The following SPMIP2 variants were observed in gnomAD, a reference collection of about 807,000 sequenced individuals.
The protein encoded by SPMIP2 is sperm microtubule inner protein 2, also known as protein SPMIP2.
At chr4:159,065,936 G>A in the SPMIP2 span, among the ~76,000 whole-genome samples, 1 of 152,288 alleles carries the variant, frequency 6.6e-6, no homozygotes, top group Non-Finnish European at 1.5e-5. Flanking sequence ...CTAGGATTCA[G>A]AATGAGACAT....
the SPMIP2 span, among the ~76,000 whole-genome samples, chr4:159,030,461 A>G: frequency 7.1e-6 from 1 of 139,982 alleles, no homozygotes. Flanking sequence ...GAGAAAGCAA[A>G]ATTTTATTTA....
the SPMIP2 span, among the ~76,000 whole-genome samples, chr4:158,929,442 G>A: frequency 6.6e-6 from 1 of 152,066 alleles, no homozygotes; most frequent in Non-Finnish European, 1.5e-5. Flanking sequence ...AATATTTTTT[G>A]TTTCTCTATT....
the SPMIP2 span, among the ~76,000 whole-genome samples, chr4:159,002,002 T>C: frequency 6.6e-6 from 1 of 152,214 alleles, no homozygotes; most frequent in Non-Finnish European, 1.5e-5. Context: ...CATCTGTTAT[T>C]TTTTGACTTT....
At chr4:158,930,337 C>A in the SPMIP2 span, among the ~76,000 whole-genome samples, 3 of 152,178 alleles carry the variant, frequency 2.0e-5, no homozygotes, top group Admixed American at 6.5e-5. Context: ...CACAGCCTCC[C>A]AAGTTGCTGG....
At chr4:159,053,743 C>T in the SPMIP2 span, among the ~76,000 whole-genome samples, 1 of 152,140 alleles carries the variant, frequency 6.6e-6, no homozygotes, top group Non-Finnish European at 1.5e-5. Flanking sequence ...TCCCTCCCTC[C>T]TTCCTTCCTC....
the SPMIP2 span, among the ~76,000 whole-genome samples, chr4:159,053,790 A>G: frequency 2.0e-5 from 3 of 151,122 alleles, no homozygotes; most frequent in Admixed American, 6.6e-5. Context: ...CTTTCCTTCA[A>G]TTAGAAACAA....
chr4:158,966,778 ATTACT>A, the SPMIP2 span, among the ~76,000 whole-genome samples: 2 of 152,318 alleles, frequency 1.3e-5, no homozygotes, highest in South Asian at 2.1e-4. Flanking sequence ...CAAGCTTTAC[ATTACT>A]TTGGGTCCTT....
the SPMIP2 span, among the ~76,000 whole-genome samples, chr4:158,911,878 G>T: frequency 6.6e-6 from 1 of 152,100 alleles, no homozygotes; most frequent in African/African-American, 2.4e-5. Flanking sequence ...GAGAACATTT[G>T]CCAGCAAAGA....
chr4:158,895,840 G>A, the SPMIP2 span: 5 of 1,613,092 alleles, frequency 3.1e-6, no homozygotes, highest in African/African-American at 1.3e-5. Flanking sequence ...ACGAGTCCAT[G>A]TGAAAGAATT....
chr4:158,917,865 G>A, the SPMIP2 span, among the ~76,000 whole-genome samples: 11 of 151,548 alleles, frequency 7.3e-5, no homozygotes, highest in Non-Finnish European at 1.5e-4. Flanking sequence ...GGGATTACAG[G>A]TGCCTGCCAA....
At chr4:158,915,492 A>G in the SPMIP2 span, 3 of 760,242 alleles carry the variant, frequency 3.9e-6, no homozygotes, top group Admixed American at 8.6e-5. Context: ...GGAAAGCTGA[A>G]GACCTGACCC....
the SPMIP2 span, among the ~76,000 whole-genome samples, chr4:158,918,273 C>G: frequency 6.6e-6 from 1 of 152,228 alleles, no homozygotes; most frequent in African/African-American, 2.4e-5. Flanking sequence ...CTTCACCCCA[C>G]CTGCTCTACA....
the SPMIP2 span, among the ~76,000 whole-genome samples, chr4:158,969,661 C>T: frequency 6.6e-6 from 1 of 152,134 alleles, no homozygotes; most frequent in Non-Finnish European, 1.5e-5. Context: ...CCTCCTAGTG[C>T]CCCAAATAGG....
the SPMIP2 span, among the ~76,000 whole-genome samples, chr4:159,051,510 C>T: frequency 6.6e-6 from 1 of 152,214 alleles, no homozygotes; most frequent in Non-Finnish European, 1.5e-5. Context: ...ATTCAAAGCA[C>T]TTTCATTACC....
the SPMIP2 span, among the ~76,000 whole-genome samples, chr4:158,991,675 A>G: frequency 2.0e-5 from 3 of 152,284 alleles, no homozygotes; most frequent in South Asian, 4.1e-4. Context: ...ACTTAGAACT[A>G]CTTTGATAAA....
the SPMIP2 span, among the ~76,000 whole-genome samples, chr4:159,080,964 C>A: frequency 2.0e-5 from 3 of 151,966 alleles, no homozygotes; most frequent in Non-Finnish European, 2.9e-5. Flanking sequence ...ACCTTGTGAT[C>A]CGCCTGCCTT....
the SPMIP2 span, among the ~76,000 whole-genome samples, chr4:159,027,946 T>A: frequency 2.0e-5 from 3 of 152,214 alleles, no homozygotes; most frequent in African/African-American, 7.2e-5. Context: ...GATCACTCCT[T>A]TGTAAGGTAG....
At chr4:159,031,681 T>G in the SPMIP2 span, among the ~76,000 whole-genome samples, 1 of 152,174 alleles carries the variant, frequency 6.6e-6, no homozygotes, top group African/African-American at 2.4e-5. Context: ...TGTTCATATT[T>G]TTTCAGATGC....
the SPMIP2 span, among the ~76,000 whole-genome samples, chr4:159,001,516 C>T: frequency 1.3e-5 from 2 of 152,146 alleles, no homozygotes; most frequent in Non-Finnish European, 2.9e-5. Context: ...ATCCTCTACC[C>T]TCAAGTAGGC....
Sources: allele counts gnomAD v4.1 joint callset (sites outside exome capture counted in the v4.1 genomes callset), GRCh38; gene constraint gnomAD v4.1.1; transcripts MANE v1.5; gene names NCBI Gene and HGNC (gene_info 2026-07-23, HGNC 2026-07-21).